The following ARHGAP10 variants were observed in gnomAD, a reference collection of about 807,000 sequenced individuals.
The protein encoded by ARHGAP10 is rho GTPase-activating protein 10.
A neutral mutation model predicts 108.6 loss-of-function variants in ARHGAP10; 87 were observed. That is an observed-to-expected ratio of 0.80 (90% confidence interval 0.67 to 0.96). ARHGAP10 has a LOEUF of 0.96. ARHGAP10 is among the 40% of genes least tolerant of loss of function. The pLI is 0.00. For missense variants in ARHGAP10, 939 were observed against 954.5 expected (o/e 0.98, Z 0.21); for synonymous variants, 347 against 341.1 (o/e 1.02, Z -0.19).
At chr4:147,909,933 G>C (rs1378570194) in intron 12 of ARHGAP10, among the ~76,000 whole-genome samples, 156 bp downstream of exon 12, 3 of 152,134 alleles carry the variant, frequency 2.0e-5, no homozygotes, top group Non-Finnish European at 4.4e-5. Context: ...CATGTGTTCT[G>C]TTTTACTCAA....
intron 18 of ARHGAP10, among the ~76,000 whole-genome samples, chr4:147,979,210 T>A (rs1374775399): frequency 2.6e-5 from 4 of 152,206 alleles, no homozygotes; most frequent in Admixed American, 1.3e-4. Context: ...CTTGACTCCA[T>A]CTTTAGTTAA....
At chr4:147,765,378 C>T (rs969086425) in intron 1 of ARHGAP10, among the ~76,000 whole-genome samples, 67 of 150,086 alleles carry the variant, frequency 4.5e-4, no homozygotes, top group Middle Eastern at 6.9e-3. Flanking sequence ...ATGTGCCACG[C>T]CCATTTTCAT....
intron 1 of ARHGAP10, among the ~76,000 whole-genome samples, chr4:147,766,641 C>T (rs1375188641): frequency 1.5e-5 from 2 of 137,378 alleles, no homozygotes; most frequent in African/African-American, 5.3e-5. Flanking sequence ...TACGTATATA[C>T]ACACCCACCC....
intron 1 of ARHGAP10, among the ~76,000 whole-genome samples, chr4:147,759,278 CAG>C (rs1560742595): frequency 1.3e-5 from 2 of 152,188 alleles, no homozygotes; most frequent in African/African-American, 4.8e-5. Flanking sequence ...CTTAGAGAAA[CAG>C]AGGCTCAGAG....
At chr4:147,744,230 A>G (rs532093993) in intron 1 of ARHGAP10, among the ~76,000 whole-genome samples, 118 of 152,354 alleles carry the variant, frequency 7.7e-4, no homozygotes, top group African/African-American at 2.5e-3. Context: ...AGGAGGGATC[A>G]GAGCTTTCCC....
chr4:147,847,326 C>T, intron 4 of ARHGAP10, 104 bp downstream of exon 4: 2 of 1,049,246 alleles, frequency 1.9e-6, no homozygotes, highest in East Asian at 5.1e-5. Context: ...CCGGAGCAAA[C>T]CATCTGTTGT....
chr4:147,973,000 C>T (rs549642525), intron 18 of ARHGAP10, among the ~76,000 whole-genome samples: 11 of 152,104 alleles, frequency 7.2e-5, no homozygotes, highest in South Asian at 4.2e-4. Flanking sequence ...AGTGATCCAC[C>T]GGCCTTGGTT....
At chr4:147,938,739 C>T (rs1738048553) in intron 13 of ARHGAP10, among the ~76,000 whole-genome samples, 1 of 152,164 alleles carries the variant, frequency 6.6e-6, no homozygotes, top group Non-Finnish European at 1.5e-5. Flanking sequence ...GTTTTGGAAA[C>T]TTTGGGGATT....
intron 18 of ARHGAP10, among the ~76,000 whole-genome samples, chr4:147,970,841 A>G (rs1739376757): frequency 6.6e-6 from 1 of 152,204 alleles, no homozygotes. Context: ...TAATCTCAGC[A>G]CTTCGGGAGG....
At chr4:147,741,200 G>A (rs1256615113) in intron 1 of ARHGAP10, among the ~76,000 whole-genome samples, 1 of 152,006 alleles carries the variant, frequency 6.6e-6, no homozygotes, top group African/African-American at 2.4e-5. Context: ...ATATATTTAG[G>A]GAATATTCAT....
intron 1 of ARHGAP10, among the ~76,000 whole-genome samples, chr4:147,769,849 A>G (rs1274875150): frequency 2.6e-5 from 4 of 152,110 alleles, no homozygotes; most frequent in Non-Finnish European, 5.9e-5. Context: ...ACATGTGTTG[A>G]GGGAGGAAAA....
chr4:147,847,170 C>T lies in ARHGAP10; in HGVS notation c.332C>T (p.Thr111Ile), dbSNP rs996024142. The T allele has an allele frequency of 1.9e-6, 3 of 1,613,368 alleles. No individual in the cohort carries two copies. Among genetic ancestry groups the T allele is most frequent in the Non-Finnish European group, 2.5e-6 (3 of 1,179,470 alleles). The change falls in exon 4 of 23, where the codon ACC becomes ATC. Residue 111 changes from threonine to isoleucine, a missense_variant. By Grantham distance (89) the Thr-to-Ile change is moderately conservative (BLOSUM62 -1). Transcript: ENST00000336498. Reference sequence around the variant, plus strand: ...CTCTAGGCATTAAGTGTAACTGAAACCCTGATTAAACCCTTGGAAAAATTC... The same window carrying T: ...CTCTAGGCATTAAGTGTAACTGAAATCCTGATTAAACCCTTGGAAAAATTC... ...REIMALSVTE[T>I]LIKPLEKFRK...
At chr4:147,909,502 A>C (rs1264419051) in intron 11 of ARHGAP10, among the ~76,000 whole-genome samples, 1 of 152,190 alleles carries the variant, frequency 6.6e-6, no homozygotes, top group Non-Finnish European at 1.5e-5. Context: ...ATGTGACCAA[A>C]AGGATCTTGT....
At chr4:147,966,582 C>A in intron 17 of ARHGAP10, 98 bp from the exon 18 acceptor site, 1 of 1,182,574 alleles carries the variant, frequency 8.5e-7, no homozygotes, top group Non-Finnish European at 1.2e-6. Flanking sequence ...AGTCTCTTGA[C>A]CCCTTGCTTT....
chr4:147,825,446 CAA>C (rs35438984), intron 3 of ARHGAP10, among the ~76,000 whole-genome samples: 1 of 139,258 alleles, frequency 7.2e-6, no homozygotes, highest in Non-Finnish European at 1.6e-5. Context: ...GACTCCATCT[CAA>C]AAAAAAAAAA....
intron 18 of ARHGAP10, among the ~76,000 whole-genome samples, chr4:148,012,187 T>G (rs1285458748): frequency 6.6e-6 from 1 of 152,180 alleles, no homozygotes; most frequent in African/African-American, 2.4e-5. Flanking sequence ...ATTACTTCAT[T>G]TATTATGATT....
chr4:147,958,861 G>A (rs1427572420), intron 16 of ARHGAP10, among the ~76,000 whole-genome samples: 2 of 152,138 alleles, frequency 1.3e-5, no homozygotes, highest in Non-Finnish European at 2.9e-5. Flanking sequence ...CTGTTAGTTG[G>A]CACAGCATCA....
intron 10 of ARHGAP10, among the ~76,000 whole-genome samples, chr4:147,904,186 GCCTTGA>G (rs1306276305): frequency 2.0e-5 from 3 of 151,860 alleles, no homozygotes; most frequent in Non-Finnish European, 4.4e-5. Context: ...AATTTGCATT[GCCTTGA>G]TGACATCTGA....
At chr4:147,881,709 A>G in intron 9 of ARHGAP10, 129 bp from the exon 10 acceptor site, 1 of 645,356 alleles carries the variant, frequency 1.5e-6, no homozygotes, top group South Asian at 2.8e-5. Context: ...AGCCAGTTTG[A>G]AAGAGGATAG....
Sources: gnomAD v4.1 joint callset for allele counts (sites outside exome capture counted in the v4.1 genomes callset) on GRCh38, gnomAD v4.1.1 for gene constraint, MANE v1.5 for transcripts, NCBI Gene and HGNC (gene_info 2026-07-23, HGNC 2026-07-21) for gene names.